The following BLTP1 variants were observed in gnomAD, a reference collection of about 807,000 sequenced individuals.
BLTP1 encodes bridge-like lipid transfer protein family member 1.
chr4:122,300,008 TA>T, the BLTP1 span: 1 of 875,658 alleles, frequency 1.1e-6, no homozygotes, highest in East Asian at 1.2e-4. Flanking sequence ...AATACAAATA[TA>T]TATTTTTTTA....
the BLTP1 span, among the ~76,000 whole-genome samples, chr4:122,273,707 A>G: frequency 6.6e-6 from 1 of 152,004 alleles, no homozygotes; most frequent in Admixed American, 6.6e-5. Context: ...AAACCTAGGT[A>G]TAAGAAATGA....
chr4:122,239,782 A>G, the BLTP1 span: 4 of 1,614,180 alleles, frequency 2.5e-6, no homozygotes, highest in South Asian at 4.4e-5. Context: ...TCATTCCCAT[A>G]TACACCATCA....
At chr4:122,196,906 C>A in the BLTP1 span, 1 of 532,404 alleles carries the variant, frequency 1.9e-6, no homozygotes, top group Non-Finnish European at 3.1e-6. Flanking sequence ...AGCTGTTTTC[C>A]CTTGAAATAA....
At chr4:122,289,116 T>C in the BLTP1 span, 1 of 1,608,902 alleles carries the variant, frequency 6.2e-7, no homozygotes, top group Non-Finnish European at 8.5e-7. Context: ...ATCTTACAAC[T>C]GATCTTCTAA....
At chr4:122,233,233 G>A in the BLTP1 span, among the ~76,000 whole-genome samples, 1 of 152,222 alleles carries the variant, frequency 6.6e-6, no homozygotes, top group Non-Finnish European at 1.5e-5. Flanking sequence ...AGATAGGAAA[G>A]GAGAGCTAAC....
chr4:122,277,744 A>T, the BLTP1 span: 7 of 981,838 alleles, frequency 7.1e-6, no homozygotes, highest in Admixed American at 4.3e-4. Context: ...ATTTCTTGTA[A>T]CATAGTGGAT....
At chr4:122,243,018 A>G in the BLTP1 span, 1 of 1,609,396 alleles carries the variant, frequency 6.2e-7, no homozygotes, top group Non-Finnish European at 8.5e-7. Flanking sequence ...AGGGGCTCAC[A>G]GCTAATTCTT....
the BLTP1 span, among the ~76,000 whole-genome samples, chr4:122,179,294 T>C: frequency 4.6e-5 from 7 of 152,072 alleles, no homozygotes; most frequent in East Asian, 1.4e-3. Context: ...AATAAATAAA[T>C]AGATAAATGC....
At chr4:122,175,572 A>T in the BLTP1 span, among the ~76,000 whole-genome samples, 2 of 152,170 alleles carry the variant, frequency 1.3e-5, no homozygotes, top group Non-Finnish European at 2.9e-5. Context: ...GAAGAATATG[A>T]TATTTCAAAA....
the BLTP1 span, chr4:122,169,533 G>A: frequency 1.5e-6 from 1 of 654,816 alleles, no homozygotes; most frequent in Non-Finnish European, 1.9e-6. Flanking sequence ...TCGGTAGGTT[G>A]GGTTAGTCAT....
chr4:122,190,142 G>A, the BLTP1 span: 16 of 1,595,808 alleles, frequency 1.0e-5, no homozygotes, highest in South Asian at 1.7e-4. Flanking sequence ...TGTCACACAG[G>A]CTGGAATGCA....
At chr4:122,336,086 C>G in the BLTP1 span, 4 of 829,374 alleles carry the variant, frequency 4.8e-6, no homozygotes, top group Non-Finnish European at 7.3e-6. Flanking sequence ...CTTGTAAGGC[C>G]TTAAATGTGA....
chr4:122,264,989 G>C, the BLTP1 span, among the ~76,000 whole-genome samples: 1 of 152,234 alleles, frequency 6.6e-6, no homozygotes, highest in South Asian at 2.1e-4. Flanking sequence ...TAAATATGGC[G>C]AATAAAGAGT....
the BLTP1 span, chr4:122,330,900 A>G: frequency 8.6e-6 from 6 of 698,226 alleles, no homozygotes; most frequent in Non-Finnish European, 1.1e-5. Flanking sequence ...TAAGGGTTCA[A>G]TTTCATTTTT....
the BLTP1 span, chr4:122,270,912 A>G: frequency 7.2e-7 from 1 of 1,384,930 alleles, no homozygotes; most frequent in Non-Finnish European, 9.6e-7. Flanking sequence ...ATTATTTAAG[A>G]CTCATATTTT....
At chr4:122,333,372 T>C in the BLTP1 span, 1 of 124,168 alleles carries the variant, frequency 8.1e-6, no homozygotes, top group Admixed American at 8.9e-5. Flanking sequence ...TGCATTTCTC[T>C]GATGGCCAGT....
At chr4:122,217,160 G>C in the BLTP1 span, among the ~76,000 whole-genome samples, 1 of 151,938 alleles carries the variant, frequency 6.6e-6, no homozygotes, top group Admixed American at 6.6e-5. Context: ...GCAAGTATTT[G>C]GCTCCACTCT....
the BLTP1 span, chr4:122,289,417 A>G: frequency 5.0e-6 from 4 of 803,176 alleles, no homozygotes; most frequent in South Asian, 1.7e-4. Context: ...AACTTCAGAA[A>G]GCTCCTTTAT....
the BLTP1 span, chr4:122,305,881 A>C: frequency 1.3e-6 from 2 of 1,580,194 alleles, no homozygotes; most frequent in Non-Finnish European, 1.7e-6. Flanking sequence ...TTTTAGGTTT[A>C]TGAGGAAGCT....
Sources: allele counts gnomAD v4.1 joint callset (sites outside exome capture counted in the v4.1 genomes callset), GRCh38; gene constraint gnomAD v4.1.1; transcripts MANE v1.5; gene names NCBI Gene and HGNC (gene_info 2026-07-23, HGNC 2026-07-21).